Variants in ZNF560 observed in about 807,000 individuals in gnomAD.
The protein encoded by ZNF560 is zinc finger protein 560.
In ZNF560, 54 loss-of-function variants were observed where a neutral mutation model predicts 81.8. That is an observed-to-expected ratio of 0.66 (90% CI 0.53 to 0.83). The LOEUF (loss-of-function observed/expected upper bound fraction) is 0.83. Ranked by LOEUF, ZNF560 falls within the 40% of genes least tolerant of loss-of-function variation. ZNF560 has a pLI of 0.00. For synonymous variants in ZNF560, 321 were observed against 317.9 expected, an observed-to-expected ratio of 1.01 and a Z score of -0.10; for missense variants, 940 against 932.4, an observed-to-expected ratio of 1.01 and a Z score of -0.11.
Position 9,467,707 on chromosome 19 carries a change from C to G in ZNF560, c.1240G>C (p.Gly414Arg). Residue 414 changes from glycine (G) to arginine (R), a missense_variant, in exon 10 of 10, where the codon GGT becomes CGT. Gly to Arg is a moderately radical substitution (Grantham distance 125, BLOSUM62 -2). Transcript: ENST00000301480. The stretch of plus-strand genomic sequence containing the variant: ...TGTTCAATAAGGCCTGCAGATGTAC[C>G]AAAGGCTTTACCACATTCCTTACAC... ...YGCKECGKAF[G>R]TSAGLIEHIR... is the part of the protein sequence containing the mutation. 6.2e-6 allele frequency: 10 copies of G among 1,613,632 alleles called. No homozygotes were observed. Among genetic ancestry groups the G allele is most frequent in the Non-Finnish European group, 8.5e-6 (10 of 1,179,876 alleles).
intron 2 of ZNF560, among the ~76,000 whole-genome samples, chr19:9,479,097 G>A (rs928509460): frequency 9.9e-5 from 15 of 151,614 alleles, no homozygotes; most frequent in African/African-American, 3.6e-4. Context: ...ATGGGCAGGA[G>A]AATCGCTTGA....
intron 5 of ZNF560, among the ~76,000 whole-genome samples, chr19:9,472,607 A>G (rs532837053): frequency 5.3e-5 from 8 of 152,252 alleles, no homozygotes; most frequent in African/African-American, 1.9e-4. Context: ...CAGATCCCCA[A>G]ATGGGACCAT....
intron 2 of ZNF560, among the ~76,000 whole-genome samples, chr19:9,489,658 C>T (rs1327321252): frequency 1.3e-5 from 2 of 151,848 alleles, no homozygotes; most frequent in Non-Finnish European, 1.5e-5. Flanking sequence ...GGCGTGACCT[C>T]GGCTCACCGC....
chr19:9,446,404 A>T, the ZNF560 span, among the ~76,000 whole-genome samples: 1 of 143,120 alleles, frequency 7.0e-6, no homozygotes, highest in Non-Finnish European at 1.5e-5. Context: ...ACACACACAC[A>T]CACATAAAAT....
intron 2 of ZNF560, among the ~76,000 whole-genome samples, chr19:9,496,934 C>CA (rs113085830): frequency 7.0e-4 from 103 of 146,318 alleles, no homozygotes; most frequent in Middle Eastern, 3.5e-3. Flanking sequence ...GACTGTGTCT[C>CA]AAAAAAAAAA....
At chr19:9,446,407 C>CACAT in the ZNF560 span, among the ~76,000 whole-genome samples, 1 of 146,380 alleles carries the variant, frequency 6.8e-6, no homozygotes, top group Non-Finnish European at 1.5e-5. Flanking sequence ...CACACACACA[C>CACAT]ATAAAATATA....
At chr19:9,455,867 T>C in the ZNF560 span, among the ~76,000 whole-genome samples, 1 of 152,034 alleles carries the variant, frequency 6.6e-6, no homozygotes, top group African/African-American at 2.4e-5. Flanking sequence ...AAGGAAATGC[T>C]CCATTTCCTG....
chr19:9,483,886 A>T (rs1213223708), intron 2 of ZNF560, among the ~76,000 whole-genome samples: 1 of 149,840 alleles, frequency 6.7e-6, no homozygotes, highest in Non-Finnish European at 1.5e-5. Flanking sequence ...GAGAAATCAG[A>T]TTGTTGCTGT....
chr19:9,484,778 A>G (rs1233351261), intron 2 of ZNF560, among the ~76,000 whole-genome samples: 1 of 151,768 alleles, frequency 6.6e-6, no homozygotes, highest in African/African-American at 2.4e-5. Flanking sequence ...GCAAGACTCC[A>G]TCTCAAAAAA....
chr19:9,491,901 T>C (rs1380912752), intron 2 of ZNF560, among the ~76,000 whole-genome samples: 1 of 150,490 alleles, frequency 6.6e-6, no homozygotes, highest in Non-Finnish European at 1.5e-5. Flanking sequence ...CCAAAGCTAA[T>C]GCAGCTAATG....
intron 2 of ZNF560, among the ~76,000 whole-genome samples, chr19:9,481,021 C>G (rs565225443): frequency 3.4e-4 from 51 of 149,302 alleles, no homozygotes; most frequent in Admixed American, 6.7e-4. Flanking sequence ...GAGAGAGAGG[C>G]TGCAGTGAGC....
chr19:9,487,565 G>A (rs1306126446), intron 2 of ZNF560, among the ~76,000 whole-genome samples: 1 of 152,198 alleles, frequency 6.6e-6, no homozygotes, highest in Non-Finnish European at 1.5e-5. Context: ...CCATGCAGGG[G>A]TCCATGCTGG....
At chr19:9,502,052 G>A (rs994733532), upstream of ZNF560, among the ~76,000 whole-genome samples, 1 of 151,796 alleles carries the variant, frequency 6.6e-6, no homozygotes, top group African/African-American at 2.4e-5. Context: ...TACTGGGGAG[G>A]CTGAGGCAGG....
At chr19:9,485,862 T>C (rs186611323) in intron 2 of ZNF560, among the ~76,000 whole-genome samples, 4 of 152,260 alleles carry the variant, frequency 2.6e-5, no homozygotes, top group East Asian at 1.9e-4. Context: ...CTCAAATAAG[T>C]TGAGAAACAT....
chr19:9,497,574 G>C (rs942571360), intron 2 of ZNF560, among the ~76,000 whole-genome samples: 1 of 150,058 alleles, frequency 6.7e-6, no homozygotes, highest in African/African-American at 2.5e-5. Flanking sequence ...CTTCATCTCT[G>C]CAATGAATTT....
downstream of ZNF560, among the ~76,000 whole-genome samples, chr19:9,463,765 C>T (rs2072972065): frequency 1.3e-5 from 2 of 152,214 alleles, no homozygotes; most frequent in African/African-American, 4.8e-5. Flanking sequence ...TCACTGCAGC[C>T]ATGACCTCCC....
rs1256166131 is a variant in ZNF560, at chr19:9,467,559, T to A, written c.1388A>T (p.Lys463Met). The A allele has an allele frequency of 6.2e-7, 1 of 1,614,150 alleles. No individual in the cohort carries two copies. Among genetic ancestry groups the A allele is most frequent in the East Asian group, 2.2e-5 (1 of 44,880 alleles). Residue 463 changes from lysine to methionine, a missense_variant, in exon 10 of 10, where the codon AAG (lysine) becomes ATG (methionine). Physicochemically the swap from Lys to Met is moderately conservative, Grantham distance 95. Coordinates refer to ENST00000301480, the MANE Select transcript of ZNF560 (RefSeq NM_152476.3). ...TGTACCAAAGGCCTTCCCATATTCCTTATGCTCATATGGCTTCTCTCCATT... is the reference window on the plus strand; with the variant it reads ...TGTACCAAAGGCCTTCCCATATTCCATATGCTCATATGGCTTCTCTCCATT... ...VHNGEKPYEH[K>M]EYGKAFGTSS...
the ZNF560 span, among the ~76,000 whole-genome samples, chr19:9,449,896 G>T: frequency 6.7e-6 from 1 of 150,304 alleles, no homozygotes. Flanking sequence ...TTGAACCCAG[G>T]AGGCGGAGGT....
downstream of ZNF560, among the ~76,000 whole-genome samples, chr19:9,462,516 C>T (rs1407698555): frequency 1.3e-5 from 2 of 152,196 alleles, no homozygotes; most frequent in Admixed American, 6.5e-5. Flanking sequence ...CCCCTGATCC[C>T]ACTTTGCACT....
Sources: gnomAD v4.1 joint callset for allele counts (sites outside exome capture counted in the v4.1 genomes callset) on GRCh38, gnomAD v4.1.1 for gene constraint, MANE v1.5 for transcripts, NCBI Gene and HGNC (gene_info 2026-07-23, HGNC 2026-07-21) for gene names.